Variants in SEMA3D observed in about 807,000 individuals in gnomAD.
The protein encoded by SEMA3D is semaphorin 3D.
In SEMA3D, 84 loss-of-function variants were observed where a neutral mutation model predicts 100.1. The observed-to-expected ratio is 0.84, with a 90% CI of 0.70 to 1.01. The LOEUF is 1.01. Ranked by LOEUF, SEMA3D falls within the 50% of genes least tolerant of loss-of-function variation. SEMA3D has a pLI of 0.00. For missense variants in SEMA3D, 875 were observed against 934.1 expected (o/e 0.94, Z 0.82); for synonymous variants, 312 against 320.7 (o/e 0.97, Z 0.29).
chr7:85,065,162 C>A (rs1791580138), intron 8 of SEMA3D, among the ~76,000 whole-genome samples: 1 of 152,006 alleles, frequency 6.6e-6, no homozygotes, highest in South Asian at 2.1e-4. Context: ...TGATATATCC[C>A]AGATGTCATT....
the SEMA3D span, among the ~76,000 whole-genome samples, chr7:85,204,282 G>A: frequency 3.3e-5 from 5 of 151,084 alleles, no homozygotes; most frequent in South Asian, 1.0e-3. Flanking sequence ...GAAATCAAAG[G>A]AGCATTACAC....
rs537339680 is a variant in SEMA3D at position 85,064,438 on chromosome 7, G to A, written c.718+986C>T. Among the ~76,000 whole-genome samples the A allele has an allele frequency of 9.9e-5, 15 of 151,994 alleles. No homozygotes were observed. The South Asian group carries it at 2.7e-3, about 27-fold the overall frequency. On this transcript the variant is annotated intron_variant, in intron 8 of 18. Coordinates refer to ENST00000284136, the MANE Select transcript of SEMA3D (RefSeq NM_001384900.1). Reference sequence around the variant, plus strand: ...CTACCTATTAAGGGTACTTTTTTTGGCTGATGAGAATCACATTGTTGTATA... The same window carrying A: ...CTACCTATTAAGGGTACTTTTTTTGACTGATGAGAATCACATTGTTGTATA...
At chr7:85,012,670 C>A in intron 17 of SEMA3D, 112 bp downstream of exon 17, 1 of 773,612 alleles carries the variant, frequency 1.3e-6, no homozygotes, top group Non-Finnish European at 2.1e-6. Flanking sequence ...ATGCATTACA[C>A]AAAATGGAGA....
chr7:85,168,785 G>T (rs1297822584), intron 1 of SEMA3D, among the ~76,000 whole-genome samples: 3 of 145,768 alleles, frequency 2.1e-5, no homozygotes, highest in Non-Finnish European at 4.5e-5. Flanking sequence ...CATGTTTAAG[G>T]AAGGAAAGGT....
chr7:85,102,909 TG>T (rs1478070731), intron 3 of SEMA3D, among the ~76,000 whole-genome samples: 1 of 152,044 alleles, frequency 6.6e-6, no homozygotes, highest in Non-Finnish European at 1.5e-5. Context: ...AAAAAACAGC[TG>T]AAAAAACAGT....
intron 4 of SEMA3D, among the ~76,000 whole-genome samples, chr7:85,092,886 C>T (rs956806454): frequency 6.6e-6 from 1 of 151,872 alleles, no homozygotes; most frequent in Non-Finnish European, 1.5e-5. Flanking sequence ...AACTCTTGTA[C>T]AAGCAAAATA....
intron 16 of SEMA3D, among the ~76,000 whole-genome samples, chr7:85,013,771 A>G (rs1790023302): frequency 6.6e-6 from 1 of 151,814 alleles, no homozygotes; most frequent in Admixed American, 6.6e-5. Flanking sequence ...GAAAGATCAG[A>G]GATACAGTCT....
At chr7:85,168,903 A>G (rs1481596773) in intron 1 of SEMA3D, among the ~76,000 whole-genome samples, 1 of 151,172 alleles carries the variant, frequency 6.6e-6, no homozygotes, top group African/African-American at 2.4e-5. Flanking sequence ...AAAGAGAAAC[A>G]AGGAGGGCAG....
At position 85,006,832 on chromosome 7, in the gene SEMA3D, G is replaced by A; in HGVS notation, c.1878C>T (p.Ile626=). Residue 626 remains isoleucine, a synonymous_variant, in exon 18 of 19, where the codon ATC becomes ATT. Coordinates refer to ENST00000284136, the MANE Select transcript of SEMA3D (RefSeq NM_001384900.1). Reference sequence around the variant, plus strand: ...CTCGATGCTCATCCCCTGACCTCTGGATATACCATTTAATAGTTGCTTGTT... The same window carrying A: ...CTCGATGCTCATCCCCTGACCTCTGAATATACCATTTAATAGTTGCTTGTT... ...KSQQATIKWY[I]QRSGDEHREE... The A allele has an allele frequency of 6.2e-7, 1 of 1,609,796 alleles. No individual in the cohort carries two copies. Among genetic ancestry groups the A allele is most frequent in the Non-Finnish European group, 8.5e-7 (1 of 1,177,422 alleles).
At chr7:85,212,867 C>A in the SEMA3D span, among the ~76,000 whole-genome samples, 1 of 151,996 alleles carries the variant, frequency 6.6e-6, no homozygotes, top group South Asian at 2.1e-4. Flanking sequence ...GGCAAAATAT[C>A]TGCTAAACGA....
Position 85,036,965 on chromosome 7 carries a change from G to A in SEMA3D, c.1115C>T (p.Pro372Leu). 2 of 1,613,168 alleles carry A rather than the reference G, an allele frequency of 1.2e-6. No homozygotes were observed. Among genetic ancestry groups the A allele is most frequent in the Non-Finnish European group, 1.7e-6 (2 of 1,179,396 alleles). The change falls in exon 12 of 19, where the codon CCA (proline) becomes CTA (leucine). Residue 372 changes from proline (P) to leucine (L), a missense_variant. Coordinates refer to ENST00000284136, the MANE Select transcript of SEMA3D (RefSeq NM_001384900.1). ...MADIRAVFNG[P>L]YAHKESADHR... ...GTCTGCACTTTCCTTATGAGCATAT[G>A]GACCATTAAAAACTGCTCTGATGTC...
the SEMA3D span, among the ~76,000 whole-genome samples, chr7:85,222,488 T>G: frequency 6.6e-6 from 1 of 152,276 alleles, no homozygotes; most frequent in Admixed American, 6.6e-5. Flanking sequence ...CCACTATGGT[T>G]TTTGTTTTAA....
chr7:85,064,228 T>A (rs1791552317), intron 8 of SEMA3D, among the ~76,000 whole-genome samples: 1 of 150,920 alleles, frequency 6.6e-6, no homozygotes, highest in South Asian at 2.1e-4. Flanking sequence ...CATAAAAATA[T>A]CTTTTTACTC....
chr7:85,050,653 G>T (rs969954150), intron 9 of SEMA3D: 2 of 430,668 alleles, frequency 4.6e-6, no homozygotes, highest in Non-Finnish European at 4.2e-6. Flanking sequence ...ACCAAAATTT[G>T]CATTGTTCAA....
At position 85,080,780 on chromosome 7, in the gene SEMA3D, G is replaced by T. The variant is rs138658376; in HGVS notation, c.375+737C>A. On this transcript the variant is annotated intron_variant, in intron 5 of 18. Coordinates refer to ENST00000284136, the MANE Select transcript of SEMA3D (RefSeq NM_001384900.1). ...TTGCTGGAGATAAATCAGGTTACAT[G>T]ATTAGAGGGAGCATGCAGGACAACT... 4.9e-4 allele frequency among the ~76,000 whole-genome samples: 74 copies of T among 152,234 alleles called. 1 individual carries two copies. In the East Asian group the frequency reaches 0.014, roughly 28 times the overall value.
At chr7:85,129,198 T>C (rs1789655214) in intron 2 of SEMA3D, among the ~76,000 whole-genome samples, 1 of 152,064 alleles carries the variant, frequency 6.6e-6, no homozygotes, top group Non-Finnish European at 1.5e-5. Context: ...ACCTACTTTA[T>C]TATATTTTAA....
chr7:85,108,341 C>T (rs186492089), intron 3 of SEMA3D, among the ~76,000 whole-genome samples: 1 of 152,082 alleles, frequency 6.6e-6, no homozygotes, highest in East Asian at 1.9e-4. Context: ...TTATTGCCAT[C>T]TTATTAATAA....
the SEMA3D span, among the ~76,000 whole-genome samples, chr7:85,215,177 T>G: frequency 6.6e-6 from 1 of 151,730 alleles, no homozygotes; most frequent in Non-Finnish European, 1.5e-5. Context: ...TTTCTTGGAC[T>G]GTGAAGACTG....
At chr7:85,199,625 C>T in the SEMA3D span, among the ~76,000 whole-genome samples, 6 of 152,132 alleles carry the variant, frequency 3.9e-5, no homozygotes, top group Non-Finnish European at 8.8e-5. Context: ...AGAATCACAC[C>T]ATTTTAAATT....
Sources: gnomAD v4.1 joint callset for allele counts (sites outside exome capture counted in the v4.1 genomes callset) on GRCh38, gnomAD v4.1.1 for gene constraint, MANE v1.5 for transcripts, NCBI Gene and HGNC (gene_info 2026-07-23, HGNC 2026-07-21) for gene names.